The following ADAMTS2 variants were observed in gnomAD, a reference collection of about 807,000 sequenced individuals.
The protein encoded by ADAMTS2 is ADAM metallopeptidase with thrombospondin type 1 motif 2.
Under a neutral mutation model 123.0 loss-of-function variants are expected in ADAMTS2, and 50 were observed. The observed-to-expected ratio is 0.41, with a 90% CI of 0.32 to 0.51. The LOEUF (loss-of-function observed/expected upper bound fraction) is 0.51. Among genes scored for constraint, ADAMTS2 ranks in the 20% least tolerant of loss-of-function variants. The pLI is 0.35. For synonymous variants in ADAMTS2, 678 were observed against 695.4 expected (o/e 0.98, Z 0.39); for missense variants, 1,494 against 1,705.2 (o/e 0.88, Z 2.18).
chr5:179,326,991 G>A lies in ADAMTS2; in HGVS notation c.534+16776C>T, dbSNP rs1256008913. Among the ~76,000 whole-genome samples, 7 of 152,274 alleles carry A rather than the reference G, an allele frequency of 4.6e-5. No homozygotes were observed. The East Asian group carries it at 1.2e-3, about 25-fold the overall frequency. On this transcript the variant is annotated intron_variant, in intron 2 of 21. Transcript: ENST00000251582. ...CAGGGAGTGAATGCGCGTGAAGCCCGCCAGGGTAATGATAGGGAGCAGCAG... is the reference window on the plus strand; with the variant it reads ...CAGGGAGTGAATGCGCGTGAAGCCCACCAGGGTAATGATAGGGAGCAGCAG...
intron 3 of ADAMTS2, among the ~76,000 whole-genome samples, chr5:179,236,474 G>C (rs74938628): frequency 6.6e-6 from 1 of 152,142 alleles, no homozygotes; most frequent in Non-Finnish European, 1.5e-5. Flanking sequence ...AGAATGAGCT[G>C]TCAGAGGCCT....
Position 179,135,891 on chromosome 5 carries a change from C to T in ADAMTS2, c.2085+18G>A, listed in dbSNP as rs555952324. On this transcript the variant is annotated intron_variant, in intron 13 of 21. Coordinates refer to ENST00000251582, the MANE Select transcript of ADAMTS2 (RefSeq NM_014244.5). ...GACTTGACACGGTAGCCCCCCGTGCCGGCCTCTGTGTACTCACCCTGCAGT... is the reference window on the plus strand; with the variant it reads ...GACTTGACACGGTAGCCCCCCGTGCTGGCCTCTGTGTACTCACCCTGCAGT... 1.2e-5 allele frequency: 20 copies of T among 1,612,808 alleles called. 1 individual carries two copies. Among genetic ancestry groups the T allele is most frequent in the Admixed American group, 3.3e-5 (2 of 60,022 alleles).
chr5:179,328,109 T>G (rs2127458233), intron 2 of ADAMTS2, among the ~76,000 whole-genome samples: 1 of 152,374 alleles, frequency 6.6e-6, no homozygotes, highest in African/African-American at 2.4e-5. Context: ...CTGAGCTCAC[T>G]GCAGGCTCCG....
At chr5:179,121,899 A>G in intron 20 of ADAMTS2, 149 bp from the exon 21 acceptor site, 1 of 515,140 alleles carries the variant, frequency 1.9e-6, no homozygotes, top group East Asian at 3.3e-5. Context: ...TCCGCTGCCA[A>G]GTCCACGCCC....
chr5:179,294,027 G>A (rs1756263783), intron 2 of ADAMTS2, among the ~76,000 whole-genome samples: 1 of 152,068 alleles, frequency 6.6e-6, no homozygotes, highest in South Asian at 2.1e-4. Context: ...ACTTTTGGGA[G>A]GCCGAGGCAG....
At chr5:179,123,708 C>T (rs952470121) in intron 19 of ADAMTS2, among the ~76,000 whole-genome samples, 14 of 152,256 alleles carry the variant, frequency 9.2e-5, no homozygotes, top group African/African-American at 3.1e-4. Flanking sequence ...GGATCACTGG[C>T]GTAAGCCACT....
At chr5:179,131,483 C>T (rs1762961698) in intron 15 of ADAMTS2, among the ~76,000 whole-genome samples, 1 of 152,136 alleles carries the variant, frequency 6.6e-6, no homozygotes, top group Non-Finnish European at 1.5e-5. Context: ...AGCCCCAATC[C>T]TGTCCAGCCT....
intron 2 of ADAMTS2, among the ~76,000 whole-genome samples, chr5:179,340,883 C>G (rs1337491621): frequency 1.3e-5 from 2 of 152,212 alleles, no homozygotes; most frequent in Non-Finnish European, 2.9e-5. Context: ...TACCACGCTG[C>G]CCAGGAGATA....
chr5:179,139,445 G>A (rs749577313), intron 11 of ADAMTS2, among the ~76,000 whole-genome samples: 5 of 152,066 alleles, frequency 3.3e-5, no homozygotes, highest in Non-Finnish European at 5.9e-5. Context: ...GGCATGGGCC[G>A]GCTCTACAGG....
intron 2 of ADAMTS2, among the ~76,000 whole-genome samples, chr5:179,281,592 T>C (rs1435350181): frequency 6.6e-6 from 1 of 152,242 alleles, no homozygotes; most frequent in Non-Finnish European, 1.5e-5. Flanking sequence ...CATTTGCCGG[T>C]TGATGGACAT....
intron 2 of ADAMTS2, among the ~76,000 whole-genome samples, chr5:179,297,311 C>T (rs1256853834): frequency 1.3e-5 from 2 of 152,142 alleles, no homozygotes; most frequent in African/African-American, 4.8e-5. Context: ...GGAGCATTTA[C>T]AAAAATTGAT....
In ADAMTS2 at chr5:179,114,174, G is replaced by T; in HGVS notation, c.3329C>A (p.Pro1110His). Residue 1110 changes from proline to histidine, a missense_variant, in exon 22 of 22, where the codon CCT becomes CAT. Coordinates refer to ENST00000251582, the MANE Select transcript of ADAMTS2 (RefSeq NM_014244.5). The part of the protein sequence containing the change: ...TNVEGRIEPP[P>H]GKHNDIDVFM... ...CACGTCAATGTCGTTGTGCTTCCCAGGCGGTGGCTCTATCCTGCCCTCCAC... is the reference window on the plus strand; with the variant it reads ...CACGTCAATGTCGTTGTGCTTCCCATGCGGTGGCTCTATCCTGCCCTCCAC... 6.2e-7 allele frequency: 1 copy of T among 1,612,348 alleles called. No individual in the cohort carries two copies. The highest frequency in any genetic ancestry group is 8.5e-7 in the Non-Finnish European group (1 of 1,178,494).
At chr5:179,172,298 G>C (rs948511968) in intron 5 of ADAMTS2, among the ~76,000 whole-genome samples, 1 of 152,176 alleles carries the variant, frequency 6.6e-6, no homozygotes, top group Non-Finnish European at 1.5e-5. Flanking sequence ...CCTGACAACC[G>C]GTCCCCTGCC....
rs889988617 is a variant in ADAMTS2 at position 179,162,404 on chromosome 5, C to T, written c.976-3525G>A. ...TGGAGCCCCCCTGCACTACAGGAGA[C>T]CCCCCACCAAGGATTAAAGGAGGAT... On this transcript the variant is annotated intron_variant, in intron 5 of 21. Coordinates refer to ENST00000251582, the MANE Select transcript of ADAMTS2 (RefSeq NM_014244.5). The surrounding 1 kb of genome is among the most constrained non-coding windows in gnomAD (Gnocchi z 5.1). Among the ~76,000 whole-genome samples the T allele has an allele frequency of 1.8e-4, 28 of 152,112 alleles. No individual in the cohort carries two copies. Among genetic ancestry groups the T allele is most frequent in the Admixed American group, 5.2e-4 (8 of 15,276 alleles).
At chr5:179,255,558 G>A (rs1268776757) in intron 3 of ADAMTS2, among the ~76,000 whole-genome samples, 2 of 152,132 alleles carry the variant, frequency 1.3e-5, no homozygotes, top group African/African-American at 2.4e-5. Context: ...CCACCAGTGA[G>A]TTCAGATCCT....
chr5:179,308,045 C>T lies in ADAMTS2; in HGVS notation c.535-34981G>A, dbSNP rs185301716. ...GAGTACGGGAGGTCGCCGGCCCTCC[C>T]GAGGCTCCCTTCCCCTACTTCAGGA... On this transcript the variant is annotated intron_variant, in intron 2 of 21. Coordinates refer to ENST00000251582, the MANE Select transcript of ADAMTS2 (RefSeq NM_014244.5). The surrounding 1 kb of genome is among the most constrained non-coding windows in gnomAD (Gnocchi z 6.6). 3.5e-3 allele frequency among the ~76,000 whole-genome samples: 529 copies of T among 152,276 alleles called. 13 individuals are homozygous for T. The highest frequency in any genetic ancestry group is 0.033 in the Admixed American group (510 of 15,304).
intron 13 of ADAMTS2, among the ~76,000 whole-genome samples, chr5:179,134,923 GCTCCAGCCCCCAGCTCCCGA>G (rs1763033690): frequency 1.2e-5 from 1 of 83,204 alleles, no homozygotes. Context: ...CCAGCTCCCG[GCTCCAGCCCCCAGCTCCCGA>G]CTCCAGCTCC....
At chr5:179,276,575 A>T (rs1766701082) in intron 2 of ADAMTS2, among the ~76,000 whole-genome samples, 1 of 152,070 alleles carries the variant, frequency 6.6e-6, no homozygotes, top group Non-Finnish European at 1.5e-5. Context: ...AGACACTGAG[A>T]ACCAGGCCAC....
At chr5:179,287,915 C>T (rs1022047169) in intron 2 of ADAMTS2, among the ~76,000 whole-genome samples, 21 of 152,228 alleles carry the variant, frequency 1.4e-4, no homozygotes, top group Admixed American at 5.2e-4. Context: ...GCCCGCCCAA[C>T]GCCAGTCCCC....
Sources: allele counts gnomAD v4.1 joint callset (sites outside exome capture counted in the v4.1 genomes callset), GRCh38; gene constraint gnomAD v4.1.1; non-coding constraint Gnocchi (gnomAD v3.1); transcripts MANE v1.5; gene names NCBI Gene and HGNC (gene_info 2026-07-23, HGNC 2026-07-21).